The following ANO9 variants were observed in gnomAD, a reference collection of about 807,000 sequenced individuals.
ANO9 encodes the protein anoctamin 9, also known as anoctamin-9.
A neutral mutation model predicts 100.5 loss-of-function variants in ANO9; 80 were observed. That is an observed-to-expected ratio of 0.80 (90% CI 0.66 to 0.96). ANO9 has a LOEUF of 0.96. Ranked by LOEUF, ANO9 falls within the 40% of genes least tolerant of loss-of-function variation. The pLI, the probability that ANO9 is intolerant of heterozygous loss-of-function variation, is 0.00. For missense variants in ANO9, 1,064 were observed against 1,072.7 expected, an observed-to-expected ratio of 0.99 and a Z score of 0.11; for synonymous variants, 473 against 435.6, an observed-to-expected ratio of 1.09 and a Z score of -1.07.
At position 431,926 on chromosome 11, in the gene ANO9, G is replaced by A. The variant is rs375495281; in HGVS notation, c.407-20C>T. 224 of 1,611,164 alleles carry A rather than the reference G, an allele frequency of 1.4e-4. 2 individuals carry two copies. In the South Asian group the frequency reaches 2.2e-3, roughly 15 times the overall value. ...AGGTCTCTGGGTCACAGGGGTTCAC[G>A]AGTCAGGGGGAGTGAGGTGCTGGGA... On this transcript the variant is annotated intron_variant, in intron 5 of 22. Transcript: ENST00000332826.
At position 420,949 on chromosome 11, in the gene ANO9, C is replaced by T. The variant is rs957587714; in HGVS notation, c.1486G>A (p.Val496Ile). Residue 496 changes from valine to isoleucine, a missense_variant, in exon 17 of 23, where the codon GTC becomes ATC. Physicochemically the swap from Val to Ile is conservative, Grantham distance 29. Coordinates refer to ENST00000332826, the MANE Select transcript of ANO9 (RefSeq NM_001012302.3). ...QTLSNCVEYL[V>I]PWVTHKCRSL... ...TGGGCGGGGGTCGGCACTCACGGGA[C>T]CAGGTACTCGACGCAGTTGCTGAGC... The T allele has an allele frequency of 1.9e-6, 3 of 1,604,238 alleles. No individual in the cohort carries two copies. Among genetic ancestry groups the T allele is most frequent in the African/African-American group, 1.3e-5 (1 of 74,844 alleles).
Position 432,136 on chromosome 11 carries a change from G to A in ANO9, c.351-82C>T. ...CTCAACCTGCCCTCTGGTCTGGCCA[G>A]GCCCAGGCCCCTCCCTGTCCTGGCA... On this transcript the variant is annotated intron_variant, in intron 4 of 22. Transcript: ENST00000332826. The surrounding 1 kb of genome is among the most constrained non-coding windows in gnomAD (Gnocchi z 4.8). The A allele has an allele frequency of 1.4e-6, 2 of 1,475,126 alleles. No homozygotes were observed. The highest frequency in any genetic ancestry group is 3.6e-5 in the Admixed American group (2 of 54,986). 91.4% of individuals were successfully genotyped at this position (1,475,126 alleles called of 1,614,324 possible).
intron 20 of ANO9, 159 bp from the exon 21 acceptor site, chr11:419,148 T>A: frequency 6.9e-7 from 1 of 1,455,558 alleles, no homozygotes; most frequent in Non-Finnish European, 9.0e-7. Context: ...CAAGCACATC[T>A]TCACATCCGG....
In ANO9 at chr11:430,249, C is replaced by T. The variant is rs541877272; in HGVS notation, c.674+20G>A. The T allele has an allele frequency of 1.9e-5, 29 of 1,554,594 alleles. No homozygotes were observed. Among genetic ancestry groups the T allele is most frequent in the African/African-American group, 4.1e-5 (3 of 73,054 alleles). Reference sequence around the variant, plus strand: ...AGGGCCCACCCCGGCCCCCCATGCCCGGCCCCTGCTGCGGCCCACCTGATC... The same window carrying T: ...AGGGCCCACCCCGGCCCCCCATGCCTGGCCCCTGCTGCGGCCCACCTGATC... On this transcript the variant is annotated intron_variant, in intron 8 of 22. Coordinates refer to ENST00000332826, the MANE Select transcript of ANO9 (RefSeq NM_001012302.3).
At chr11:425,652 A>G (rs1468665967) in intron 15 of ANO9, among the ~76,000 whole-genome samples, 1 of 151,914 alleles carries the variant, frequency 6.6e-6, no homozygotes, top group Non-Finnish European at 1.5e-5. Flanking sequence ...TCATAGGAAA[A>G]AAAATACAAT....
At position 433,814 on chromosome 11, in the gene ANO9, C is replaced by T; in HGVS notation, c.204+1G>A. On this transcript the variant is annotated splice_donor_variant, in intron 3 of 22. Coordinates refer to ENST00000332826, the MANE Select transcript of ANO9 (RefSeq NM_001012302.3). LOFTEE classifies it high-confidence loss of function. ...CTGCCCCTCGCTGGGCACCCGCCCA[C>T]CTTAATGTGGAAGCCCTTTCTCCTG... 1 of 1,559,386 alleles carries T rather than the reference C, an allele frequency of 6.4e-7. No individual in the cohort carries two copies. The highest frequency in any genetic ancestry group is 8.7e-7 in the Non-Finnish European group (1 of 1,152,112).
rs59912016 is a variant in ANO9 at position 435,261 on chromosome 11, A to ATAGTCTAGTC, written c.7-1173_7-1164dup. 6.5e-3 allele frequency among the ~76,000 whole-genome samples: 973 copies of ATAGTCTAGTC among 150,344 alleles called. 5 individuals carry two copies. The highest frequency in any genetic ancestry group is 0.038 in the East Asian group (193 of 5,080). On this transcript the variant is annotated intron_variant, in intron 1 of 22. Coordinates refer to ENST00000332826, the MANE Select transcript of ANO9 (RefSeq NM_001012302.3). ...ATAGTATGGTATAGTCTAGTATGGT[A>ATAGTCTAGTC]TAGTCTAGTCTAGTCTAGTCTAGTC...
chr11:419,611 T>C lies in ANO9; in HGVS notation c.1905A>G (p.Pro635=). The change falls in exon 20 of 23, where the codon CCA becomes CCG. Residue 635 remains proline, a synonymous_variant. Coordinates refer to ENST00000332826, the MANE Select transcript of ANO9 (RefSeq NM_001012302.3). The part of the protein sequence containing the change: ...PRVVYKYRYS[P]CLKEGNSTVD... ...CAGTAGAGTTGCCTTCTTTCAGGCA[T>C]GGGCTATAGCGGTACTTGTAGACCA... 1 of 1,613,490 alleles carries C rather than the reference T, an allele frequency of 6.2e-7. No homozygotes were observed. The highest frequency in any genetic ancestry group is 8.5e-7 in the Non-Finnish European group (1 of 1,179,842).
Position 418,332 on chromosome 11 carries a change from C to CT in ANO9, c.*38dup, listed in dbSNP as rs556686995. On this transcript the variant is annotated 3_prime_UTR_variant, in exon 23 of 23. Transcript: ENST00000332826. ...CTTGTGGGAGGTGCTGGTGGTGGCA[C>CT]TGTCTCAGCTCCTGGTGGCCTCTGG... 4.6e-4 allele frequency: 699 copies of CT among 1,522,236 alleles called. 1 individual carries two copies. The highest frequency in any genetic ancestry group is 6.4e-4 in the Admixed American group (30 of 46,924). 94.3% of individuals were successfully genotyped at this position (1,522,236 alleles called of 1,614,324 possible). A position where few individuals can be genotyped will look rare whatever the true frequency, so the allele number is the denominator to read the frequency against.
intron 1 of ANO9, among the ~76,000 whole-genome samples, chr11:441,305 C>G (rs1845853025): frequency 6.6e-6 from 1 of 152,186 alleles, no homozygotes; most frequent in South Asian, 2.1e-4. Context: ...GAAAGGATGT[C>G]TTTCTACGTG....
chr11:431,805 G>A (rs780579484), intron 6 of ANO9, 38 bp from the exon 7 acceptor site: 6 of 1,612,070 alleles, frequency 3.7e-6, no homozygotes, highest in Non-Finnish European at 4.2e-6. Context: ...CCCCATCCCA[G>A]GGTCCCACCC....
At position 420,455 on chromosome 11, in the gene ANO9, G is replaced by T; in HGVS notation, c.1786+8C>A. 1.9e-6 allele frequency: 3 copies of T among 1,600,608 alleles called. No individual in the cohort carries two copies. The highest frequency in any genetic ancestry group is 2.5e-6 in the Non-Finnish European group (3 of 1,179,140). ...GTTCCCGCCCATCCTGCGCCCGCCCGGTCTGACCGATGTCCTTGGCCTTGC... is the reference window on the plus strand; with the variant it reads ...GTTCCCGCCCATCCTGCGCCCGCCCTGTCTGACCGATGTCCTTGGCCTTGC... On this transcript the variant is annotated splice_region_variant and intron_variant, in intron 19 of 22. Coordinates refer to ENST00000332826, the MANE Select transcript of ANO9 (RefSeq NM_001012302.3).
intron 1 of ANO9, among the ~76,000 whole-genome samples, chr11:440,962 A>C (rs74045353): frequency 6.6e-6 from 1 of 152,168 alleles, no homozygotes; most frequent in South Asian, 2.1e-4. Context: ...GCTTCTCCCA[A>C]CCCAACCCCT....
Position 421,001 on chromosome 11 carries a change from C to T in ANO9, c.1434G>A (p.Met478Ile), listed in dbSNP as rs145076904. 1,170 of 1,606,660 alleles carry T rather than the reference C, an allele frequency of 7.3e-4. No homozygotes were observed. Among genetic ancestry groups the T allele is most frequent in the Non-Finnish European group, 9.0e-4 (1,062 of 1,175,360 alleles). Residue 478 changes from methionine (M) to isoleucine (I), a missense_variant, in exon 17 of 23, where the codon ATG (methionine) becomes ATA (isoleucine). Physicochemically the swap from Met to Ile is conservative, Grantham distance 10 (BLOSUM62 1). Transcript: ENST00000332826. The surrounding 1 kb of genome is among the most constrained non-coding windows in gnomAD (Gnocchi z 6.8). Reference sequence around the variant, plus strand: ...TCTGCTTCAGGCCCATGATGATGGCCATCTGCACGAAGAGGTCCATCATGC... The same window carrying T: ...TCTGCTTCAGGCCCATGATGATGGCTATCTGCACGAAGAGGTCCATCATGC... ...SGCMMDLFVQMAIIMGLKQTL... is the reference protein window; with the variant it reads ...SGCMMDLFVQIAIIMGLKQTL...
chr11:419,753 G>C, intron 19 of ANO9, 24 bp from the exon 20 acceptor site: 1 of 1,584,556 alleles, frequency 6.3e-7, no homozygotes, highest in Non-Finnish European at 8.6e-7. Flanking sequence ...GTGGGCAAGC[G>C]GTCTGACTCA....
At position 419,583 on chromosome 11, in the gene ANO9, C is replaced by T. The variant is rs910383499; in HGVS notation, c.1933G>A (p.Asp645Asn). 10 of 1,613,030 alleles carry T rather than the reference C, an allele frequency of 6.2e-6. No homozygotes were observed. Among genetic ancestry groups the T allele is most frequent in the East Asian group, 2.2e-5 (1 of 44,896 alleles). ...TCTCCAGACACCCTGAGGCCTTACT[C>T]GACAGTAGAGTTGCCTTCTTTCAGG... is the stretch of plus-strand genomic sequence containing the variant. ...PCLKEGNSTVDCLKGYVNHSL... is the reference protein window; with the variant it reads ...PCLKEGNSTVNCLKGYVNHSL... Residue 645 changes from aspartate (D) to asparagine (N), a missense_variant and splice_region_variant, in exon 20 of 23, where the codon GAC (aspartate) becomes AAC (asparagine). By Grantham distance (23) the Asp-to-Asn change is conservative. Transcript: ENST00000332826.
chr11:426,534 T>C (rs1848531497), intron 15 of ANO9, among the ~76,000 whole-genome samples: 1 of 152,156 alleles, frequency 6.6e-6, no homozygotes. Context: ...ATGGTACCAC[T>C]GTACTCCAGC....
At chr11:439,891 A>G (rs1160063824) in intron 1 of ANO9, among the ~76,000 whole-genome samples, 2 of 151,926 alleles carry the variant, frequency 1.3e-5, no homozygotes, top group Non-Finnish European at 2.9e-5. Flanking sequence ...GTGCCCGTCC[A>G]TCCCCAGACA....
At chr11:436,444 C>A (rs1849551774) in intron 1 of ANO9, among the ~76,000 whole-genome samples, 1 of 151,938 alleles carries the variant, frequency 6.6e-6, no homozygotes, top group Non-Finnish European at 1.5e-5. Flanking sequence ...CACACACACA[C>A]CAGGAGCTAC....
Sources: allele counts gnomAD v4.1 joint callset (sites outside exome capture counted in the v4.1 genomes callset), GRCh38; gene constraint gnomAD v4.1.1; non-coding constraint Gnocchi (gnomAD v3.1); transcripts MANE v1.5; gene names NCBI Gene and HGNC (gene_info 2026-07-23, HGNC 2026-07-21).